The following CACNA2D2 variants were observed in gnomAD, a reference collection of about 807,000 sequenced individuals.
The protein encoded by CACNA2D2 is voltage-dependent calcium channel subunit alpha-2/delta-2.
A neutral mutation model predicts 166.4 loss-of-function variants in CACNA2D2; 48 were observed. That is an observed-to-expected ratio of 0.29 (90% CI 0.23 to 0.37). The LOEUF is 0.37. CACNA2D2 is among the 10% of genes least tolerant of loss of function. CACNA2D2 has a pLI of 1.00. For missense variants in CACNA2D2, 1,122 were observed against 1,433.0 expected (o/e 0.78, Z 3.50); for synonymous variants, 561 against 573.7 (o/e 0.98, Z 0.32).
At chr3:50,382,076 G>A (rs1289056492) in intron 6 of CACNA2D2, among the ~76,000 whole-genome samples, 2 of 151,720 alleles carry the variant, frequency 1.3e-5, no homozygotes, top group African/African-American at 2.4e-5. Context: ...TTCAACCTGG[G>A]CAGAGATCCA....
chr3:50,378,159 C>T (rs1705088499), intron 14 of CACNA2D2, 62 bp from the exon 15 acceptor site: 21 of 1,583,532 alleles, frequency 1.3e-5, no homozygotes, highest in Admixed American at 1.7e-5. Context: ...TGTTCTGTCT[C>T]GCCAGGCATT....
chr3:50,479,832 C>A (rs1247930407), intron 1 of CACNA2D2, among the ~76,000 whole-genome samples: 1 of 152,230 alleles, frequency 6.6e-6, no homozygotes, highest in African/African-American at 2.4e-5. Context: ...ATGTTGCCCA[C>A]AGGCCACACA....
Position 50,417,232 on chromosome 3 carries a change from C to T in CACNA2D2, c.405+17081G>A, listed in dbSNP as rs191691412. Among the ~76,000 whole-genome samples the T allele has an allele frequency of 2.3e-3, 348 of 152,306 alleles. 1 individual carries two copies. The highest frequency in any genetic ancestry group is 7.8e-3 in the African/African-American group (325 of 41,566). On this transcript the variant is annotated intron_variant, in intron 3 of 37. Transcript: ENST00000424201. ...ACTCACACACCCCCATACATGCAGG[C>T]TCTGCCATTGTGGCCCTGGCCCACA...
intron 3 of CACNA2D2, chr3:50,415,731 A>G (rs1707238991): frequency 6.6e-6 from 1 of 152,224 alleles, no homozygotes; most frequent in Admixed American, 6.5e-5. Context: ...TCCCCATTCC[A>G]GAGGGTGCCC....
intron 2 of CACNA2D2, among the ~76,000 whole-genome samples, chr3:50,461,927 A>T (rs1287234046): frequency 6.6e-6 from 1 of 152,190 alleles, no homozygotes; most frequent in East Asian, 1.9e-4. Flanking sequence ...GCAGGCTGGG[A>T]GAGCAGCCAG....
At chr3:50,485,704 G>A (rs752101336) in intron 1 of CACNA2D2, among the ~76,000 whole-genome samples, 15 of 152,238 alleles carry the variant, frequency 9.9e-5, no homozygotes, top group Non-Finnish European at 1.6e-4. Flanking sequence ...CAGGGGTCGG[G>A]GGAGAACCCT....
At position 50,376,317 on chromosome 3, in the gene CACNA2D2, C is replaced by G; in HGVS notation, c.1627-129G>C. ...GTTTGCCTGCCTTGGGCTAAGGGCC[C>G]CCCCATGCCACGTGGCCCTAAGCCT... On this transcript the variant is annotated intron_variant, in intron 17 of 37. Transcript: ENST00000424201. This position sits in a 1 kb window ranked among gnomAD's most constrained non-coding sequence, Gnocchi z 4.3. The G allele has an allele frequency of 2.0e-6, 2 of 982,008 alleles. No individual in the cohort carries two copies. Among genetic ancestry groups the G allele is most frequent in the Non-Finnish European group, 3.0e-6 (2 of 659,918 alleles). The allele number at this position is 982,008 out of a possible 1,614,324, so 60.8% of individuals were successfully genotyped here. A position where few individuals can be genotyped will look rare whatever the true frequency, so the allele number is the denominator to read the frequency against.
At chr3:50,464,552 C>T (rs749286021) in intron 2 of CACNA2D2, among the ~76,000 whole-genome samples, 1 of 152,162 alleles carries the variant, frequency 6.6e-6, no homozygotes, top group Non-Finnish European at 1.5e-5. Context: ...GGTGAAGCCA[C>T]AGCCCACATA....
intron 23 of CACNA2D2, among the ~76,000 whole-genome samples, chr3:50,368,438 G>A (rs1704470914): frequency 6.6e-6 from 1 of 152,154 alleles, no homozygotes; most frequent in African/African-American, 2.4e-5. Context: ...ACAAGAATGA[G>A]GGTCTACTTT....
At chr3:50,378,656 C>T (rs754247676) in intron 13 of CACNA2D2, among the ~76,000 whole-genome samples, 1 of 152,298 alleles carries the variant, frequency 6.6e-6, no homozygotes, top group African/African-American at 2.4e-5. Flanking sequence ...GAGAGATGGA[C>T]GGATCAGCAA....
chr3:50,418,204 C>T (rs968600858), intron 3 of CACNA2D2, among the ~76,000 whole-genome samples: 1 of 152,174 alleles, frequency 6.6e-6, no homozygotes, highest in African/African-American at 2.4e-5. Flanking sequence ...CTGCCTGGGG[C>T]TGGACCAGGG....
At chr3:50,491,626 T>C (rs914209713) in intron 1 of CACNA2D2, among the ~76,000 whole-genome samples, 1 of 152,148 alleles carries the variant, frequency 6.6e-6, no homozygotes, top group South Asian at 2.1e-4. Flanking sequence ...CCTGCCTGAC[T>C]ACTCTGTGAG....
At chr3:50,386,174 C>T (rs1705595877) in intron 5 of CACNA2D2, among the ~76,000 whole-genome samples, 1 of 152,186 alleles carries the variant, frequency 6.6e-6, no homozygotes, top group African/African-American at 2.4e-5. Context: ...TCTTTTCGGG[C>T]AATCTCTAGC....
intron 2 of CACNA2D2, among the ~76,000 whole-genome samples, chr3:50,475,269 C>G (rs1415900031): frequency 2.6e-5 from 4 of 152,150 alleles, no homozygotes; most frequent in African/African-American, 9.7e-5. Context: ...AAACCCTGGA[C>G]CTGGACTCCT....
intron 1 of CACNA2D2, among the ~76,000 whole-genome samples, chr3:50,480,253 C>T (rs561047367): frequency 6.6e-5 from 10 of 152,310 alleles, no homozygotes; most frequent in Non-Finnish European, 1.2e-4. Context: ...GCACTTCTGC[C>T]GCTGTGTGAC....
chr3:50,385,160 G>T (rs1442265274), intron 5 of CACNA2D2, among the ~76,000 whole-genome samples: 1 of 152,212 alleles, frequency 6.6e-6, no homozygotes, highest in Non-Finnish European at 1.5e-5. Context: ...TGGGAGGGGG[G>T]CAGGCTTGGG....
chr3:50,373,353 C>T lies in CACNA2D2; in HGVS notation c.1984+1384G>A, dbSNP rs587759948. On this transcript the variant is annotated intron_variant, in intron 22 of 37. Coordinates refer to ENST00000424201, the MANE Select transcript of CACNA2D2 (RefSeq NM_006030.4). ...GGGGCGCCCGGTGGGGCCGGAGCCC[C>T]AGCCTCCCTCCCAGTGACCTCGGGC... 4.7e-5 allele frequency among the ~76,000 whole-genome samples: 7 copies of T among 150,284 alleles called. No homozygotes were observed. In the South Asian group the frequency reaches 1.1e-3, roughly 23 times the overall value.
rs747628100 is a variant in CACNA2D2 at position 50,379,400 on chromosome 3, C to T, written c.1152+32G>A. On this transcript the variant is annotated intron_variant, in intron 11 of 37. Coordinates refer to ENST00000424201, the MANE Select transcript of CACNA2D2 (RefSeq NM_006030.4). This position sits in a 1 kb window ranked among gnomAD's most constrained non-coding sequence, Gnocchi z 6.5. ...ACCAAGCCAGGGCCCTCTACTCCCC[C>T]AGCCGCCCACTTGCCCACCCATGGG... 1 of 1,608,690 alleles carries T rather than the reference C, an allele frequency of 6.2e-7. No individual in the cohort carries two copies. The highest frequency in any genetic ancestry group is 2.2e-5 in the East Asian group (1 of 44,728).
At chr3:50,395,652 TG>T (rs1039187510) in intron 3 of CACNA2D2, among the ~76,000 whole-genome samples, 3 of 152,072 alleles carry the variant, frequency 2.0e-5, no homozygotes, top group African/African-American at 7.2e-5. Context: ...TTAGGGGAAG[TG>T]GAAGTCAGGT....
Sources: gnomAD v4.1 joint callset for allele counts (sites outside exome capture counted in the v4.1 genomes callset) on GRCh38, gnomAD v4.1.1 for gene constraint, Gnocchi (gnomAD v3.1) non-coding constraint, MANE v1.5 for transcripts, NCBI Gene and HGNC (gene_info 2026-07-23, HGNC 2026-07-21) for gene names.